The following EIF5B variants were observed in gnomAD, a reference collection of about 807,000 sequenced individuals.
The protein encoded by EIF5B is eIF-5B.
EIF5B carries 47 observed loss-of-function variants against 147.5 expected under a neutral mutation model. The observed-to-expected ratio is 0.32, with a 90% confidence interval of 0.25 to 0.41. The LOEUF is 0.41. Ranked by LOEUF, EIF5B falls within the 10% of genes least tolerant of loss-of-function variation. EIF5B has a pLI of 1.00. For synonymous variants in EIF5B, 455 were observed against 456.2 expected, an observed-to-expected ratio of 1.00 and a Z score of 0.03; for missense variants, 1,064 against 1,413.2, an observed-to-expected ratio of 0.75 and a Z score of 3.96.
Position 99,369,452 on chromosome 2 carries a change from A to T in EIF5B, c.1448A>T (p.Lys483Met), listed in dbSNP as rs1341607902. 1.9e-6 allele frequency: 3 copies of T among 1,610,232 alleles called. No homozygotes were observed. Among genetic ancestry groups the T allele is most frequent in the Non-Finnish European group, 2.5e-6 (3 of 1,177,322 alleles). Reference sequence around the variant, plus strand: ...GTTATGGAACAAGGAGTACCAGAAAAGGAAGAGACACCACCTCCTGTTGAA... The same window carrying T: ...GTTATGGAACAAGGAGTACCAGAAATGGAAGAGACACCACCTCCTGTTGAA... ...VEVMEQGVPEKEETPPPVEPE... is the reference protein window; with the variant it reads ...VEVMEQGVPEMEETPPPVEPE... The change falls in exon 8 of 24, where the codon AAG (lysine) becomes ATG (methionine). Residue 483 changes from lysine (K) to methionine (M), a missense_variant. Lys to Met is a moderately conservative substitution (Grantham distance 95). Transcript: ENST00000289371.
intron 14 of EIF5B, among the ~76,000 whole-genome samples, chr2:99,384,151 C>G (rs977308060): frequency 7.0e-6 from 1 of 142,542 alleles, no homozygotes; most frequent in Admixed American, 7.3e-5. Context: ...GAGCCGAGAT[C>G]GCGCCACTGC....
intron 10 of EIF5B, among the ~76,000 whole-genome samples, chr2:99,377,933 C>T (rs1674597929): frequency 6.6e-6 from 1 of 152,140 alleles, no homozygotes; most frequent in Non-Finnish European, 1.5e-5. Context: ...CTTAGAATTT[C>T]TGAGTCAGTT....
chr2:99,392,861 G>A lies in EIF5B; in HGVS notation c.2749-106G>A, dbSNP rs927628955. Reference sequence around the variant, plus strand: ...TTGTGATTATTGCTTTTTGTGCCTCGTTTAAGAAACCTCTCTCTAATATCA... The same window carrying A: ...TTGTGATTATTGCTTTTTGTGCCTCATTTAAGAAACCTCTCTCTAATATCA... On this transcript the variant is annotated intron_variant, in intron 17 of 23. Transcript: ENST00000289371. 9 of 1,078,666 alleles carry A rather than the reference G, an allele frequency of 8.3e-6. No homozygotes were observed. The East Asian group carries it at 1.5e-4, about 18-fold the overall frequency. The allele number at this position is 1,078,666 out of a possible 1,614,324, so 66.8% of individuals were successfully genotyped here.
chr2:99,362,744 T>C (rs116211109), intron 4 of EIF5B, among the ~76,000 whole-genome samples: 9 of 152,182 alleles, frequency 5.9e-5, no homozygotes, highest in African/African-American at 2.2e-4. Flanking sequence ...TGGAAAACTT[T>C]TAATGGGAAA....
At chr2:99,384,268 C>T (rs965635718) in intron 14 of EIF5B, among the ~76,000 whole-genome samples, 11 of 151,922 alleles carry the variant, frequency 7.2e-5, no homozygotes, top group Non-Finnish European at 8.8e-5. Context: ...GATGATAGCA[C>T]GTCTATTCAT....
At position 99,399,333 on chromosome 2, in the gene EIF5B, C is replaced by CAAAG; in HGVS notation, c.3584_3587dup (p.Asp1196GlufsTer7). On this transcript the variant is annotated frameshift_variant, in exon 24 of 24. Coordinates refer to ENST00000289371, the MANE Select transcript of EIF5B (RefSeq NM_015904.4). LOFTEE classifies it high-confidence loss of function. The stretch of plus-strand genomic sequence containing the variant: ...TCAGCCGGCAGTCCATTGATGCACT[C>CAAAG]AAAGACTGGTTCAGAGATGAAATGC... The CAAAG allele has an allele frequency of 6.2e-7, 1 of 1,614,068 alleles. No homozygotes were observed. The highest frequency in any genetic ancestry group is 8.5e-7 in the Non-Finnish European group (1 of 1,180,026).
At position 99,337,505 on chromosome 2, in the gene EIF5B, T is replaced by C. The variant is rs746448042; in HGVS notation, c.-50T>C. 1.1e-5 allele frequency: 17 copies of C among 1,600,238 alleles called. No homozygotes were observed. In the East Asian group the frequency reaches 3.4e-4, roughly 32 times the overall value. On this transcript the variant is annotated 5_prime_UTR_variant, in exon 1 of 24. Coordinates refer to ENST00000289371, the MANE Select transcript of EIF5B (RefSeq NM_015904.4). ...AAAGTCAGCCGGGAGACAGTGGGTCTGTGAGAGACCGAATAGAGGGGCTGG... is the reference window on the plus strand; with the variant it reads ...AAAGTCAGCCGGGAGACAGTGGGTCCGTGAGAGACCGAATAGAGGGGCTGG...
chr2:99,361,093 A>G, intron 3 of EIF5B, 55 bp from the exon 4 acceptor site: 1 of 1,390,668 alleles, frequency 7.2e-7, no homozygotes, highest in Non-Finnish European at 9.6e-7. Flanking sequence ...GAAGCACATG[A>G]CTCTGGTCTC....
At chr2:99,337,687 G>C (rs1319610941) in intron 1 of EIF5B, 98 bp downstream of exon 1, 3 of 1,428,842 alleles carry the variant, frequency 2.1e-6, no homozygotes, top group Non-Finnish European at 2.8e-6. Context: ...CTGGGCTCGC[G>C]ATGAGCTTCG....
chr2:99,361,898 G>A lies in EIF5B; in HGVS notation c.919+78G>A, dbSNP rs539147683. ...GTTGTAATCATTGTGCCCCAAGGTCGTTTTGTTATTTGTCCATGGGTATAA... is the reference window on the plus strand; with the variant it reads ...GTTGTAATCATTGTGCCCCAAGGTCATTTTGTTATTTGTCCATGGGTATAA... On this transcript the variant is annotated intron_variant, in intron 4 of 23. Transcript: ENST00000289371. The A allele has an allele frequency of 3.7e-5, 51 of 1,375,598 alleles. No individual in the cohort carries two copies. The South Asian group carries it at 6.2e-4, about 17-fold the overall frequency. 85.2% of individuals were successfully genotyped at this position (1,375,598 alleles called of 1,614,324 possible). A position where few individuals can be genotyped will look rare whatever the true frequency, so the allele number is the denominator to read the frequency against.
chr2:99,393,060 C>T lies in EIF5B; in HGVS notation c.2842C>T (p.Leu948Phe). The change falls in exon 18 of 24, where the codon CTT becomes TTT. Residue 948 changes from leucine to phenylalanine, a missense_variant. Leu to Phe is a conservative substitution (Grantham distance 22). Around this residue, in one of 4 missense-constraint regions of EIF5B, gnomAD observed 380 missense variants for 715.6 expected, o/e 0.53. Coordinates refer to ENST00000289371, the MANE Select transcript of EIF5B (RefSeq NM_015904.4). Reference sequence around the variant, plus strand: ...GAAAACATTGGCTGGTTTACCCCTCCTTGTGGCTTATAAAGAAGATGAAAT... The same window carrying T: ...GAAAACATTGGCTGGTTTACCCCTCTTTGTGGCTTATAAAGAAGATGAAAT... ...LEKTLAGLPL[L>F]VAYKEDEIPV... 6.3e-7 allele frequency: 1 copy of T among 1,578,286 alleles called. No individual in the cohort carries two copies. Among genetic ancestry groups the T allele is most frequent in the South Asian group, 1.2e-5 (1 of 84,882 alleles).
chr2:99,359,223 AC>A (rs1290685174), intron 1 of EIF5B, among the ~76,000 whole-genome samples: 1 of 151,116 alleles, frequency 6.6e-6, no homozygotes, highest in African/African-American at 2.4e-5. Context: ...AAAAAAATGA[AC>A]CGGGCATGGT....
chr2:99,382,108 G>C (rs765074272), intron 12 of EIF5B, 51 bp from the exon 13 acceptor site: 1 of 1,489,884 alleles, frequency 6.7e-7, no homozygotes, highest in African/African-American at 1.4e-5. Context: ...CTGTAAAGAA[G>C]CTTTCATGTC....
In EIF5B at chr2:99,337,436, T is replaced by G. The variant is rs2094245413; in HGVS notation, c.-119T>G. The stretch of plus-strand genomic sequence containing the variant: ...GTGCGCGGGTCTGTGGAGAGCCGGG[T>G]GCGAGCGGCGGCAGCACGAGGGGAA... On this transcript the variant is annotated 5_prime_UTR_variant, in exon 1 of 24. Transcript: ENST00000289371. The G allele has an allele frequency of 7.7e-6, 10 of 1,290,622 alleles. 1 individual carries two copies. The highest frequency in any genetic ancestry group is 2.0e-5 in the Admixed American group (1 of 50,558). 79.9% of individuals were successfully genotyped at this position (1,290,622 alleles called of 1,614,324 possible).
At chr2:99,353,005 C>CTTCTTTTT (rs1674009425) in intron 1 of EIF5B, among the ~76,000 whole-genome samples, 1 of 62,850 alleles carries the variant, frequency 1.6e-5, no homozygotes, top group African/African-American at 6.6e-5. Flanking sequence ...TCTTCTTCTT[C>CTTCTTTTT]TTTTTTTTTT....
intron 10 of EIF5B, 115 bp from the exon 11 acceptor site, chr2:99,378,904 C>A: frequency 4.0e-6 from 3 of 752,294 alleles, no homozygotes; most frequent in Non-Finnish European, 6.0e-6. Context: ...GTCAAATCAA[C>A]AAAGAACTTG....
intron 14 of EIF5B, among the ~76,000 whole-genome samples, chr2:99,387,226 A>T (rs1009430259): frequency 1.3e-5 from 2 of 151,926 alleles, no homozygotes; most frequent in Admixed American, 1.3e-4. Context: ...TTTTTTTACG[A>T]TTTGTGTTCT....
intron 1 of EIF5B, among the ~76,000 whole-genome samples, chr2:99,354,502 T>C (rs1674049927): frequency 6.6e-6 from 1 of 152,216 alleles, no homozygotes; most frequent in Non-Finnish European, 1.5e-5. Flanking sequence ...TCACATAGTC[T>C]TTCACAGCAA....
intron 14 of EIF5B, among the ~76,000 whole-genome samples, chr2:99,386,160 C>T (rs1310030777): frequency 2.6e-5 from 4 of 152,200 alleles, no homozygotes; most frequent in African/African-American, 4.8e-5. Context: ...TGCGAATACT[C>T]GCCCTACCTC....
Sources: gnomAD v4.1 joint callset for allele counts (sites outside exome capture counted in the v4.1 genomes callset) on GRCh38, gnomAD v4.1.1 for gene constraint, gnomAD v4.1.1 regional missense constraint, MANE v1.5 for transcripts, NCBI Gene and HGNC (gene_info 2026-07-23, HGNC 2026-07-21) for gene names.